Variants in TRDN observed in about 807,000 individuals in gnomAD.
TRDN encodes the protein triadin in skeletal muscle.
TRDN carries 161 observed loss-of-function variants against 149.7 expected under a neutral mutation model. That is an observed-to-expected ratio of 1.08 (90% CI 0.95 to 1.23). TRDN has a LOEUF of 1.23. Ranked by LOEUF, TRDN falls within the 50% of genes most tolerant of loss-of-function variation. The pLI, the probability that TRDN is intolerant of heterozygous loss-of-function variation, is 0.00. For missense variants in TRDN, 896 were observed against 823.5 expected (o/e 1.09, Z -1.08); for synonymous variants, 294 against 250.5 (o/e 1.17, Z -1.64).
At chr6:123,588,463 G>T (rs1783617449) in intron 1 of TRDN, among the ~76,000 whole-genome samples, 1 of 152,152 alleles carries the variant, frequency 6.6e-6, no homozygotes. Flanking sequence ...AGTTTTTCAG[G>T]TTTACTTTGG....
intron 9 of TRDN, among the ~76,000 whole-genome samples, chr6:123,472,580 A>G (rs1396864758): frequency 1.3e-5 from 2 of 152,204 alleles, no homozygotes; most frequent in Admixed American, 6.5e-5. Context: ...GGAGCCCACC[A>G]CAGCTCAAGG....
intron 1 of TRDN, among the ~76,000 whole-genome samples, chr6:123,593,395 C>T (rs1169492932): frequency 6.6e-6 from 1 of 152,182 alleles, no homozygotes; most frequent in Non-Finnish European, 1.5e-5. Context: ...GCTGACTTGT[C>T]ATTTGGCAAA....
intron 8 of TRDN, chr6:123,503,045 T>C (rs1409951998): frequency 1.0e-6 from 1 of 985,216 alleles, no homozygotes; most frequent in African/African-American, 1.7e-5. Context: ...GCCACCTCCA[T>C]TGAAGTGATA....
At chr6:123,370,703 A>G (rs1324210225) in intron 19 of TRDN, among the ~76,000 whole-genome samples, 1 of 152,174 alleles carries the variant, frequency 6.6e-6, no homozygotes, top group Non-Finnish European at 1.5e-5. Context: ...CCGTATCACT[A>G]CCATCACCAG....
chr6:123,381,381 G>A lies in TRDN; in HGVS notation c.1175C>T (p.Pro392Leu), dbSNP rs1364039811. ...KTKKPAEVEQ[P>L]KGKKQEKKEK... ...ATGCATTTCCTTACTTTTTCCCTTG[G>A]GTTGTTCTACTGAAAGAAATACAAA... The change falls in exon 16 of 41, where the codon CCC (proline) becomes CTC (leucine). Residue 392 changes from proline to leucine, a missense_variant. By Grantham distance (98) the Pro-to-Leu change is moderately conservative (BLOSUM62 -3). Transcript: ENST00000334268. 6.4e-7 allele frequency: 1 copy of A among 1,557,166 alleles called. No homozygotes were observed. Among genetic ancestry groups the A allele is most frequent in the Non-Finnish European group, 8.7e-7 (1 of 1,149,492 alleles).
chr6:123,324,687 C>T (rs185059831), intron 23 of TRDN, among the ~76,000 whole-genome samples: 1 of 152,196 alleles, frequency 6.6e-6, no homozygotes, highest in Admixed American at 6.5e-5. Context: ...CACCTACATA[C>T]AGCTGTACAC....
intron 10 of TRDN, among the ~76,000 whole-genome samples, chr6:123,458,214 C>T (rs1431584378): frequency 6.6e-6 from 1 of 152,176 alleles, no homozygotes; most frequent in African/African-American, 2.4e-5. Context: ...CATATTCTCT[C>T]ATCTTTGGCT....
At chr6:123,540,304 A>T (rs138234997) in intron 4 of TRDN, among the ~76,000 whole-genome samples, 26 of 152,276 alleles carry the variant, frequency 1.7e-4, no homozygotes, top group African/African-American at 6.0e-4. Context: ...CTAAGGTAAG[A>T]TAATTTTGGC....
At chr6:123,456,960 T>C in intron 10 of TRDN, 2 of 410,502 alleles carry the variant, frequency 4.9e-6, no homozygotes, top group Non-Finnish European at 9.9e-6. Context: ...AAGGAAAAAT[T>C]GGTACTTGTA....
At chr6:123,543,912 C>T (rs2114412843) in intron 4 of TRDN, among the ~76,000 whole-genome samples, 1 of 152,018 alleles carries the variant, frequency 6.6e-6, no homozygotes, top group African/African-American at 2.4e-5. Context: ...TACCCAAGAG[C>T]TACATTATGA....
At chr6:123,533,973 C>G (rs1245918596) in intron 4 of TRDN, among the ~76,000 whole-genome samples, 1 of 152,102 alleles carries the variant, frequency 6.6e-6, no homozygotes, top group African/African-American at 2.4e-5. Context: ...AGTTCTACAA[C>G]TTAGATCAGT....
chr6:123,633,943 T>C (rs1236413822), intron 1 of TRDN, among the ~76,000 whole-genome samples: 1 of 152,030 alleles, frequency 6.6e-6, no homozygotes, highest in Non-Finnish European at 1.5e-5. Context: ...ATAATCTGTA[T>C]GAGCCTTGTC....
At chr6:123,459,566 G>T (rs1214041112) in intron 10 of TRDN, among the ~76,000 whole-genome samples, 1 of 152,010 alleles carries the variant, frequency 6.6e-6, no homozygotes, top group Non-Finnish European at 1.5e-5. Flanking sequence ...TTCCTACTTT[G>T]GCTAGCTCTT....
At chr6:123,614,946 G>C (rs745988950) in intron 1 of TRDN, among the ~76,000 whole-genome samples, 26 of 151,838 alleles carry the variant, frequency 1.7e-4, no homozygotes, top group Non-Finnish European at 3.5e-4. Context: ...TCAAACAATA[G>C]CAAAAACAAA....
intron 10 of TRDN, among the ~76,000 whole-genome samples, chr6:123,455,446 G>GTGTGTGTGTA (rs1392022962): frequency 1.6e-4 from 25 of 151,714 alleles, no homozygotes; most frequent in African/African-American, 5.8e-4. Context: ...GTGTCTGTGT[G>GTGTGTGTGTA]TGTTAGAGAA....
At chr6:123,560,777 C>T (rs1781948381) in intron 2 of TRDN, among the ~76,000 whole-genome samples, 1 of 152,194 alleles carries the variant, frequency 6.6e-6, no homozygotes, top group East Asian at 1.9e-4. Context: ...AAAATATCCC[C>T]TTCCAGCCTC....
At chr6:123,398,816 T>G (rs1772841513) in intron 12 of TRDN, among the ~76,000 whole-genome samples, 1 of 152,214 alleles carries the variant, frequency 6.6e-6, no homozygotes. Flanking sequence ...CAGCCAGATA[T>G]GCAAATTGCA....
At chr6:123,273,189 TAC>T in intron 28 of TRDN, 146 bp downstream of exon 28, 1 of 768,420 alleles carries the variant, frequency 1.3e-6, no homozygotes, top group South Asian at 2.4e-5. Context: ...AATTCTTATT[TAC>T]AAAATTTTTG....
Position 123,216,670 on chromosome 6 carries a change from A to T in TRDN, c.*1931T>A, listed in dbSNP as rs1774981026. On this transcript the variant is annotated 3_prime_UTR_variant, in exon 41 of 41. Transcript: ENST00000334268. Reference sequence around the variant, plus strand: ...TATTTGTCTCCATGGTATTTCTATGAGATATTAGACTGTTTGTCCCTATAT... The same window carrying T: ...TATTTGTCTCCATGGTATTTCTATGTGATATTAGACTGTTTGTCCCTATAT... 2 of 151,894 alleles carry T rather than the reference A, an allele frequency of 1.3e-5. No individual in the cohort carries two copies. Among genetic ancestry groups the T allele is most frequent in the Non-Finnish European group, 2.9e-5 (2 of 67,914 alleles). The allele number at this position is 151,894 out of a possible 1,614,324, so 9.4% of individuals were successfully genotyped here.
Sources: gnomAD v4.1 joint callset for allele counts (sites outside exome capture counted in the v4.1 genomes callset) on GRCh38, gnomAD v4.1.1 for gene constraint, MANE v1.5 for transcripts, NCBI Gene and HGNC (gene_info 2026-07-23, HGNC 2026-07-21) for gene names.